The following FHAD1 variants were observed in gnomAD, a reference collection of about 807,000 sequenced individuals.
FHAD1 encodes the protein forkhead-associated domain-containing protein 1.
FHAD1 carries 146 observed loss-of-function variants against 191.3 expected under a neutral mutation model. The observed-to-expected ratio is 0.76, with a 90% CI of 0.67 to 0.88. The LOEUF (loss-of-function observed/expected upper bound fraction) is 0.88. Ranked by LOEUF, FHAD1 falls within the 40% of genes least tolerant of loss-of-function variation. The probability of loss-of-function intolerance (pLI) is 0.00; values close to 1 mark genes in which losing one functional copy is unlikely to be tolerated. For missense variants in FHAD1, 1,635 were observed against 1,785.8 expected, an observed-to-expected ratio of 0.92 and a Z score of 1.52; for synonymous variants, 616 against 672.3, an observed-to-expected ratio of 0.92 and a Z score of 1.29.
intron 31 of FHAD1, chr1:15,383,385 A>T (rs1018443521): frequency 1.4e-4 from 55 of 395,120 alleles, no homozygotes; most frequent in Admixed American, 2.5e-4. Flanking sequence ...CCCGTGACCC[A>T]TGCAGGTGGT....
chr1:15,242,831 T>C (rs1557890812), upstream of FHAD1, among the ~76,000 whole-genome samples: 1 of 152,146 alleles, frequency 6.6e-6, no homozygotes, highest in Non-Finnish European at 1.5e-5. Context: ...AAACAGGCAA[T>C]AATCGTAAAC....
intron 27 of FHAD1, among the ~76,000 whole-genome samples, chr1:15,375,066 C>G (rs1699231912): frequency 6.6e-6 from 1 of 152,010 alleles, no homozygotes; most frequent in Non-Finnish European, 1.5e-5. Flanking sequence ...CCATATTGGT[C>G]AGGCTGGTCT....
intron 1 of FHAD1, among the ~76,000 whole-genome samples, chr1:15,237,044 C>T (rs115912271): frequency 0.04 from 6,163 of 152,248 alleles, 166 homozygotes; most frequent in Non-Finnish European, 0.063. Context: ...GACGCGTTTG[C>T]TTCCCCTTCC....
chr1:15,261,278 C>T (rs1284570187), intron 2 of FHAD1, among the ~76,000 whole-genome samples: 1 of 152,144 alleles, frequency 6.6e-6, no homozygotes, highest in Non-Finnish European at 1.5e-5. Flanking sequence ...CCCAAGGTCA[C>T]GTATGACGGG....
intron 6 of FHAD1, among the ~76,000 whole-genome samples, chr1:15,306,936 G>T (rs1244994979): frequency 6.6e-6 from 1 of 152,162 alleles, no homozygotes; most frequent in Non-Finnish European, 1.5e-5. Context: ...TGAGAAGAGG[G>T]CCCCCGTCCT....
chr1:15,263,800 C>T (rs1029710755), intron 2 of FHAD1, among the ~76,000 whole-genome samples: 7 of 152,180 alleles, frequency 4.6e-5, no homozygotes, highest in Admixed American at 4.6e-4. Flanking sequence ...GGATTACAGG[C>T]GTGAGCCACT....
intron 32 of FHAD1, among the ~76,000 whole-genome samples, chr1:15,390,549 G>A (rs1051819420): frequency 5.3e-5 from 8 of 151,972 alleles, no homozygotes; most frequent in Non-Finnish European, 1.2e-4. Context: ...CTGTAGGCAT[G>A]AGGTTGGTGA....
intron 2 of FHAD1, among the ~76,000 whole-genome samples, chr1:15,264,638 T>G (rs536833906): frequency 6.6e-6 from 1 of 152,102 alleles, no homozygotes; most frequent in Non-Finnish European, 1.5e-5. Context: ...TAATTTTATT[T>G]CTGGGATATA....
chr1:15,302,390 T>C (rs1669084336), intron 6 of FHAD1, among the ~76,000 whole-genome samples: 1 of 152,218 alleles, frequency 6.6e-6, no homozygotes, highest in South Asian at 2.1e-4. Context: ...TGTACGTTTC[T>C]CTTGAAACTT....
chr1:15,362,727 G>A lies in FHAD1; in HGVS notation c.3047+1G>A. The A allele has an allele frequency of 6.4e-7, 1 of 1,550,928 alleles. No individual in the cohort carries two copies. Among genetic ancestry groups the A allele is most frequent in the African/African-American group, 1.4e-5 (1 of 73,170 alleles). ...AAGACATGGCGTACGAACATCTGAT[G>A]TGAGTACCCGTGGGTGTGTGAGCGC... On this transcript the variant is annotated splice_donor_variant, in intron 23 of 33. Coordinates refer to ENST00000688493, the MANE Select transcript of FHAD1 (RefSeq NM_001391957.1). LOFTEE classifies it high-confidence loss of function.
chr1:15,293,591 A>AAGG (rs1463359433), intron 4 of FHAD1, among the ~76,000 whole-genome samples: 1 of 152,036 alleles, frequency 6.6e-6, no homozygotes, highest in Admixed American at 6.5e-5. Context: ...GGTGGCACGC[A>AAGG]CCTGTAATCC....
chr1:15,333,382 T>C (rs1682532599), intron 14 of FHAD1, among the ~76,000 whole-genome samples: 1 of 152,022 alleles, frequency 6.6e-6, no homozygotes. Context: ...ATGATGATGG[T>C]GATGATGGTG....
chr1:15,361,910 A>G (rs1429022141), intron 22 of FHAD1, among the ~76,000 whole-genome samples: 2 of 152,064 alleles, frequency 1.3e-5, no homozygotes, highest in East Asian at 1.9e-4. Flanking sequence ...AGGCTGAGAC[A>G]GGAGAATCGC....
At chr1:15,335,648 G>A (rs1309595821) in intron 14 of FHAD1, among the ~76,000 whole-genome samples, 1 of 152,156 alleles carries the variant, frequency 6.6e-6, no homozygotes, top group Non-Finnish European at 1.5e-5. Flanking sequence ...CCACTGTGCA[G>A]AACATGAAGA....
At chr1:15,402,351 A>G (rs1277726819), downstream of FHAD1, among the ~76,000 whole-genome samples, 1 of 152,102 alleles carries the variant, frequency 6.6e-6, no homozygotes, top group Non-Finnish European at 1.5e-5. Flanking sequence ...TTTTATTATT[A>G]TACTTTAAGT....
chr1:15,341,597 T>C, intron 15 of FHAD1, 139 bp from the exon 16 acceptor site: 1 of 618,758 alleles, frequency 1.6e-6, no homozygotes, highest in Non-Finnish European at 2.8e-6. Context: ...CACAGCATGC[T>C]GTAGTGTTCT....
At chr1:15,383,812 G>A (rs1303861788) in intron 31 of FHAD1, 1 of 414,882 alleles carries the variant, frequency 2.4e-6, no homozygotes, top group Non-Finnish European at 4.9e-6. Context: ...TACAGATGAG[G>A]AAACTGCGCC....
intron 24 of FHAD1, among the ~76,000 whole-genome samples, chr1:15,366,722 C>G (rs1380553989): frequency 6.6e-6 from 1 of 152,180 alleles, no homozygotes; most frequent in Admixed American, 6.5e-5. Context: ...TGAGTGGCCC[C>G]TAGAGTAGGG....
chr1:15,380,421 A>G (rs1017376436), intron 28 of FHAD1, among the ~76,000 whole-genome samples: 1 of 152,180 alleles, frequency 6.6e-6, no homozygotes, highest in Admixed American at 6.5e-5. Flanking sequence ...AACCACCCCA[A>G]TTGAGAACCA....
Sources: allele counts gnomAD v4.1 joint callset (sites outside exome capture counted in the v4.1 genomes callset), GRCh38; gene constraint gnomAD v4.1.1; transcripts MANE v1.5; gene names NCBI Gene and HGNC (gene_info 2026-07-23, HGNC 2026-07-21).